The following HDAC9 variants were observed in gnomAD, a reference collection of about 807,000 sequenced individuals.
The protein encoded by HDAC9 is histone deacetylase 9.
A neutral mutation model predicts 139.4 loss-of-function variants in HDAC9; 41 were observed. That is an observed-to-expected ratio of 0.29 (90% CI 0.23 to 0.38). HDAC9 has a LOEUF of 0.38. Ranked by LOEUF, HDAC9 falls within the 10% of genes least tolerant of loss-of-function variation. The pLI, the probability that HDAC9 is intolerant of heterozygous loss-of-function variation, is 1.00. For synonymous variants in HDAC9, 517 were observed against 476.2 expected (o/e 1.09, Z -1.12); for missense variants, 1,147 against 1,297.0 (o/e 0.88, Z 1.78).
At chr7:18,534,545 T>TA (rs998844066) in intron 2 of HDAC9, among the ~76,000 whole-genome samples, 5 of 151,680 alleles carry the variant, frequency 3.3e-5, no homozygotes, top group Admixed American at 6.6e-5. Flanking sequence ...AGACCTTGTC[T>TA]AAAAAAAAAT....
chr7:18,177,294 C>T (rs917965322), intron 2 of HDAC9, among the ~76,000 whole-genome samples: 1 of 152,184 alleles, frequency 6.6e-6, no homozygotes, highest in African/African-American at 2.4e-5. Flanking sequence ...GGATCTGTGT[C>T]TGAGCTTCCT....
At chr7:18,737,052 T>G (rs1218156492) in intron 13 of HDAC9, among the ~76,000 whole-genome samples, 1 of 152,208 alleles carries the variant, frequency 6.6e-6, no homozygotes, top group Non-Finnish European at 1.5e-5. Context: ...CTGATGGTAG[T>G]TTGTATTTCT....
intron 2 of HDAC9, among the ~76,000 whole-genome samples, chr7:18,175,171 C>A (rs1205468846): frequency 6.6e-6 from 1 of 152,208 alleles, no homozygotes; most frequent in Non-Finnish European, 1.5e-5. Context: ...TGGCGGACAC[C>A]CCTCCCCCCT....
At chr7:18,464,443 G>T (rs1179335024) in intron 1 of HDAC9, among the ~76,000 whole-genome samples, 2 of 151,886 alleles carry the variant, frequency 1.3e-5, no homozygotes, top group Non-Finnish European at 2.9e-5. Flanking sequence ...TTTAATATCT[G>T]CATTGGATAG....
intron 12 of HDAC9, among the ~76,000 whole-genome samples, chr7:18,697,585 G>T (rs374344815): frequency 6.6e-6 from 1 of 152,072 alleles, no homozygotes; most frequent in Non-Finnish European, 1.5e-5. Flanking sequence ...CTTTTCAACT[G>T]TAATACCACC....
rs144609426 is a variant in HDAC9, at chr7:18,663,008, A to C, written c.1468-3205A>C. Among the ~76,000 whole-genome samples, 14 of 152,164 alleles carry C rather than the reference A, an allele frequency of 9.2e-5. No homozygotes were observed. The East Asian group carries it at 2.7e-3, about 30-fold the overall frequency. Reference sequence around the variant, plus strand: ...GAGCAGGAGCACTGATGGTAATATAAAGGAGTGGTTTTCAATGAAGTATGG... The same window carrying C: ...GAGCAGGAGCACTGATGGTAATATACAGGAGTGGTTTTCAATGAAGTATGG... On this transcript the variant is annotated intron_variant, in intron 11 of 25. Transcript: ENST00000686413.
intron 6 of HDAC9, among the ~76,000 whole-genome samples, chr7:18,605,565 C>A (rs1166470247): frequency 6.6e-6 from 1 of 152,164 alleles, no homozygotes; most frequent in Non-Finnish European, 1.5e-5. Flanking sequence ...CCTACCTTCA[C>A]TTAAACAGAA....
intron 6 of HDAC9, among the ~76,000 whole-genome samples, chr7:18,601,962 T>C (rs1481763037): frequency 1.3e-5 from 2 of 152,170 alleles, no homozygotes; most frequent in African/African-American, 2.4e-5. Flanking sequence ...ATTTTGGCAG[T>C]ATGGTAATGC....
intron 21 of HDAC9, among the ~76,000 whole-genome samples, chr7:18,845,574 T>C (rs1254803521): frequency 6.6e-6 from 1 of 152,164 alleles, no homozygotes; most frequent in Non-Finnish European, 1.5e-5. Flanking sequence ...TGGATGTTTT[T>C]ATTAAAAGCT....
At chr7:18,244,819 A>AAT (rs2128192734) in intron 2 of HDAC9, among the ~76,000 whole-genome samples, 1 of 151,080 alleles carries the variant, frequency 6.6e-6, no homozygotes, top group East Asian at 2.0e-4. Flanking sequence ...CAAAAATAAT[A>AAT]ATAATAATAA....
At chr7:18,766,997 C>A in intron 15 of HDAC9, 109 bp from the exon 16 acceptor site, 1 of 481,856 alleles carries the variant, frequency 2.1e-6, no homozygotes, top group Non-Finnish European at 3.6e-6. Flanking sequence ...ATTTTTGCAT[C>A]AAACGATAAA....
At chr7:18,625,118 A>G (rs1389755205) in intron 6 of HDAC9, among the ~76,000 whole-genome samples, 1 of 152,102 alleles carries the variant, frequency 6.6e-6, no homozygotes, top group African/African-American at 2.4e-5. Context: ...AACTCCACCA[A>G]CTAATGATAA....
chr7:18,805,994 G>T (rs1050392009), intron 17 of HDAC9, among the ~76,000 whole-genome samples: 3 of 152,168 alleles, frequency 2.0e-5, no homozygotes, highest in African/African-American at 7.2e-5. Context: ...GATCCTGTGG[G>T]TCAGCTGAGG....
chr7:18,564,089 C>A (rs1295321427), intron 2 of HDAC9, among the ~76,000 whole-genome samples: 1 of 152,106 alleles, frequency 6.6e-6, no homozygotes, highest in South Asian at 2.1e-4. Context: ...CCCGCCCCGG[C>A]CTCCCAAAGT....
intron 14 of HDAC9, among the ~76,000 whole-genome samples, chr7:18,750,587 T>G (rs1473268993): frequency 6.6e-6 from 1 of 152,206 alleles, no homozygotes; most frequent in African/African-American, 2.4e-5. Context: ...ATTACTCATT[T>G]TTTTTTGCCA....
chr7:18,271,459 G>A (rs770355929), intron 2 of HDAC9, among the ~76,000 whole-genome samples: 11 of 152,150 alleles, frequency 7.2e-5, no homozygotes, highest in Non-Finnish European at 1.3e-4. Context: ...AACAGCCCAA[G>A]TGGTATATGT....
At chr7:18,929,949 A>AAAGG (rs71017013) in intron 22 of HDAC9, among the ~76,000 whole-genome samples, 4 of 151,608 alleles carry the variant, frequency 2.6e-5, no homozygotes, top group Non-Finnish European at 5.9e-5. Flanking sequence ...AAAAAAAAAA[A>AAAGG]TATCTGAAAC....
At chr7:18,673,870 A>T (rs1056793222) in intron 12 of HDAC9, among the ~76,000 whole-genome samples, 2 of 152,058 alleles carry the variant, frequency 1.3e-5, no homozygotes, top group Non-Finnish European at 2.9e-5. Flanking sequence ...GGGTTTAAAG[A>T]TCCTTCTCCT....
chr7:18,771,310 T>C, intron 16 of HDAC9, among the ~76,000 whole-genome samples: 1 of 152,070 alleles, frequency 6.6e-6, no homozygotes, highest in Admixed American at 6.6e-5. Flanking sequence ...AGGAATGTCA[T>C]TTTTGTGATT....
Sources: gnomAD v4.1 joint callset for allele counts (sites outside exome capture counted in the v4.1 genomes callset) on GRCh38, gnomAD v4.1.1 for gene constraint, MANE v1.5 for transcripts, NCBI Gene and HGNC (gene_info 2026-07-23, HGNC 2026-07-21) for gene names.